The following SORCS3 variants were observed in gnomAD, a reference collection of about 807,000 sequenced individuals.
SORCS3 encodes VPS10 domain-containing receptor SorCS3.
SORCS3 carries 57 observed loss-of-function variants against 146.3 expected under a neutral mutation model. The ratio of observed to expected loss-of-function variants is 0.39; its 90% CI spans 0.31 to 0.49. SORCS3 has a LOEUF of 0.49. SORCS3 is among the 20% of genes least tolerant of loss of function. The pLI is 0.92. For missense variants in SORCS3, 1,341 were observed against 1,575.5 expected, an observed-to-expected ratio of 0.85 and a Z score of 2.52; for synonymous variants, 653 against 618.5, an observed-to-expected ratio of 1.06 and a Z score of -0.83.
At position 105,065,840 on chromosome 10, in the gene SORCS3, T is replaced by C. The variant is rs986278148; in HGVS notation, c.1028+22712T>C. ...AACTCAAATAACCAAATACATATAT[T>C]TGATGTTTGTTCTTTCCTAATCCAT... On this transcript the variant is annotated intron_variant, in intron 5 of 26. Transcript: ENST00000369701. Among the ~76,000 whole-genome samples the C allele has an allele frequency of 2.0e-5, 3 of 152,348 alleles. No individual in the cohort carries two copies. In the South Asian group the frequency reaches 6.2e-4, roughly 32 times the overall value.
rs577040912 is a variant in SORCS3 at position 105,255,343 on chromosome 10, G to A, written c.3238-359G>A. Among the ~76,000 whole-genome samples the A allele has an allele frequency of 2.6e-5, 4 of 152,088 alleles. No individual in the cohort carries two copies. In the East Asian group the frequency reaches 7.7e-4, roughly 29 times the overall value. On this transcript the variant is annotated intron_variant, in intron 23 of 26. Coordinates refer to ENST00000369701, the MANE Select transcript of SORCS3 (RefSeq NM_014978.3). ...GTTGTGGTGTCGGGGGAGGAGGGAGGGATAGCATTAGGAGATATACCTAAT... is the reference window on the plus strand; with the variant it reads ...GTTGTGGTGTCGGGGGAGGAGGGAGAGATAGCATTAGGAGATATACCTAAT...
intron 4 of SORCS3, among the ~76,000 whole-genome samples, chr10:104,986,469 G>C (rs374445562): frequency 7.2e-5 from 11 of 152,280 alleles, no homozygotes; most frequent in African/African-American, 2.6e-4. Flanking sequence ...GTGTTCACTG[G>C]AGTAGGACTT....
chr10:104,655,206 T>A (rs2015612433), intron 1 of SORCS3, among the ~76,000 whole-genome samples: 1 of 146,768 alleles, frequency 6.8e-6, no homozygotes, highest in Admixed American at 6.9e-5. Flanking sequence ...TGAGCAGAGA[T>A]CACATCACTG....
At chr10:104,672,076 G>A (rs1398519732) in intron 1 of SORCS3, among the ~76,000 whole-genome samples, 1 of 152,154 alleles carries the variant, frequency 6.6e-6, no homozygotes, top group Non-Finnish European at 1.5e-5. Context: ...ATATTTGGTA[G>A]AATTCACTGG....
At chr10:104,855,685 C>A (rs1353548032) in intron 2 of SORCS3, among the ~76,000 whole-genome samples, 4 of 151,814 alleles carry the variant, frequency 2.6e-5, no homozygotes, top group South Asian at 2.1e-4. Flanking sequence ...TTCCCCAAGA[C>A]CTTGCTCAAC....
intron 1 of SORCS3, among the ~76,000 whole-genome samples, chr10:104,758,847 C>T (rs1296839829): frequency 1.3e-5 from 2 of 152,154 alleles, no homozygotes; most frequent in South Asian, 2.1e-4. Context: ...TGATATGCCT[C>T]CACAGTTCTG....
chr10:104,893,792 C>G (rs1474257068), intron 2 of SORCS3, among the ~76,000 whole-genome samples: 1 of 152,190 alleles, frequency 6.6e-6, no homozygotes, highest in East Asian at 1.9e-4. Context: ...CCTTCTCAGG[C>G]AAGCACTGCC....
intron 4 of SORCS3, among the ~76,000 whole-genome samples, chr10:105,018,922 T>G (rs547733986): frequency 2.6e-5 from 4 of 152,290 alleles, no homozygotes; most frequent in African/African-American, 9.6e-5. Context: ...TTATCTCCCC[T>G]AGTTGTATCA....
chr10:104,730,745 C>T (rs941173135), intron 1 of SORCS3, among the ~76,000 whole-genome samples: 1 of 152,226 alleles, frequency 6.6e-6, no homozygotes, highest in Non-Finnish European at 1.5e-5. Flanking sequence ...CACCTCTTCA[C>T]AGGGCAGGCA....
At chr10:104,893,469 G>A (rs2018768815) in intron 2 of SORCS3, among the ~76,000 whole-genome samples, 1 of 152,154 alleles carries the variant, frequency 6.6e-6, no homozygotes, top group South Asian at 2.1e-4. Flanking sequence ...GCAAGGTAAG[G>A]TGCAGTTCAC....
At chr10:105,167,425 G>A in intron 13 of SORCS3, 76 bp downstream of exon 13, 2 of 1,073,920 alleles carry the variant, frequency 1.9e-6, no homozygotes, top group South Asian at 1.4e-5. Flanking sequence ...GAGTTATTCT[G>A]CATGGTTTTG....
chr10:104,696,770 A>G (rs924284306), intron 1 of SORCS3, among the ~76,000 whole-genome samples: 1 of 119,114 alleles, frequency 8.4e-6, no homozygotes, highest in Non-Finnish European at 1.7e-5. Context: ...AATATATATA[A>G]TATATATATA....
chr10:104,720,936 C>A (rs915283301), intron 1 of SORCS3, among the ~76,000 whole-genome samples: 1 of 152,156 alleles, frequency 6.6e-6, no homozygotes, highest in Non-Finnish European at 1.5e-5. Flanking sequence ...TGCCTGTTCA[C>A]TCTGATGGTG....
At position 105,262,373 on chromosome 10, in the gene SORCS3, C is replaced by T. The variant is rs748509982; in HGVS notation, c.3486C>T (p.Asp1162=). 1 of 1,613,968 alleles carries T rather than the reference C, an allele frequency of 6.2e-7. No individual in the cohort carries two copies. Among genetic ancestry groups the T allele is most frequent in the Admixed American group, 1.7e-5 (1 of 60,006 alleles). Residue 1162 remains aspartate, a synonymous_variant, in exon 26 of 27, where the codon GAC becomes GAT. Coordinates refer to ENST00000369701, the MANE Select transcript of SORCS3 (RefSeq NM_014978.3). The part of the protein sequence containing the change: ...WINIYAQVQH[D]KEQEMIGSVS... Reference sequence around the variant, plus strand: ...ACATCTATGCTCAAGTCCAACACGACAAGGAGCAGGAGATGATTGGGTCAG... The same window carrying T: ...ACATCTATGCTCAAGTCCAACACGATAAGGAGCAGGAGATGATTGGGTCAG...
At chr10:104,940,238 A>ATTTTTT (rs1186082602) in intron 3 of SORCS3, among the ~76,000 whole-genome samples, 35 of 31,486 alleles carry the variant, frequency 1.1e-3, no homozygotes, top group Middle Eastern at 0.023. Context: ...ATATATATAT[A>ATTTTTT]TTTTTTTTTT....
At chr10:105,261,708 C>T (rs1382741112) in intron 25 of SORCS3, among the ~76,000 whole-genome samples, 1 of 152,200 alleles carries the variant, frequency 6.6e-6, no homozygotes, top group Non-Finnish European at 1.5e-5. Flanking sequence ...TTCCAAATCC[C>T]ACCTACTATG....
chr10:104,855,600 T>C (rs2018321761), intron 2 of SORCS3, among the ~76,000 whole-genome samples: 1 of 152,246 alleles, frequency 6.6e-6, no homozygotes, highest in African/African-American at 2.4e-5. Context: ...ATTGTTTGTT[T>C]AATTTCAGTT....
intron 3 of SORCS3, among the ~76,000 whole-genome samples, chr10:104,920,204 GTTATTTA>G (rs1432150027): frequency 6.6e-6 from 1 of 152,196 alleles, no homozygotes; most frequent in African/African-American, 2.4e-5. Context: ...CACCTAATGA[GTTATTTA>G]TTTAACAGAT....
intron 1 of SORCS3, among the ~76,000 whole-genome samples, chr10:104,667,373 C>T (rs1054912533): frequency 6.6e-6 from 1 of 152,186 alleles, no homozygotes; most frequent in Non-Finnish European, 1.5e-5. Context: ...TGCCTGCCCT[C>T]CTCTCTTGAT....
Sources: gnomAD v4.1 joint callset for allele counts (sites outside exome capture counted in the v4.1 genomes callset) on GRCh38, gnomAD v4.1.1 for gene constraint, MANE v1.5 for transcripts, NCBI Gene and HGNC (gene_info 2026-07-23, HGNC 2026-07-21) for gene names.